ENTREP2: variants seen among roughly 807,000 people sequenced by gnomAD.
ENTREP2 encodes the protein endosomal transmembrane epsin interactor 2, also known as protein ENTREP2.
At chr15:29,211,275 T>C in the ENTREP2 span, among the ~76,000 whole-genome samples, 1 of 152,158 alleles carries the variant, frequency 6.6e-6, no homozygotes, top group Non-Finnish European at 1.5e-5. Context: ...AGTCATGGTG[T>C]TCTGTGACCG....
chr15:29,608,348 G>C, the ENTREP2 span, among the ~76,000 whole-genome samples: 1 of 151,946 alleles, frequency 6.6e-6, no homozygotes, highest in African/African-American at 2.4e-5. Flanking sequence ...TTTGCTGGCT[G>C]TTTCTTTCCC....
At chr15:29,177,679 C>T in the ENTREP2 span, among the ~76,000 whole-genome samples, 9 of 152,224 alleles carry the variant, frequency 5.9e-5, no homozygotes, top group South Asian at 1.9e-3. Context: ...CAAGCCACGG[C>T]AGAGCTGCCT....
At chr15:29,618,612 T>A in the ENTREP2 span, among the ~76,000 whole-genome samples, 1 of 152,126 alleles carries the variant, frequency 6.6e-6, no homozygotes, top group Non-Finnish European at 1.5e-5. Context: ...TTACAAAAAT[T>A]ACAGACATGT....
the ENTREP2 span, among the ~76,000 whole-genome samples, chr15:29,351,194 C>T: frequency 1.3e-5 from 2 of 152,152 alleles, no homozygotes; most frequent in Non-Finnish European, 2.9e-5. Flanking sequence ...GGCTACAAAC[C>T]TGCACAGCAT....
the ENTREP2 span, among the ~76,000 whole-genome samples, chr15:29,347,660 A>G: frequency 6.6e-6 from 1 of 152,212 alleles, no homozygotes; most frequent in East Asian, 1.9e-4. Context: ...TGGAGAAAGG[A>G]AAGTGCTAGG....
At chr15:29,157,477 T>C in the ENTREP2 span, among the ~76,000 whole-genome samples, 1 of 152,222 alleles carries the variant, frequency 6.6e-6, no homozygotes, top group Non-Finnish European at 1.5e-5. Flanking sequence ...AATTTTGTGC[T>C]GGATTCTAGA....
chr15:29,271,017 T>A, the ENTREP2 span, among the ~76,000 whole-genome samples: 3 of 152,232 alleles, frequency 2.0e-5, no homozygotes, highest in African/African-American at 7.2e-5. Context: ...TAATTGTTAG[T>A]AGCATAACAC....
At chr15:29,634,557 G>C in the ENTREP2 span, among the ~76,000 whole-genome samples, 1 of 152,190 alleles carries the variant, frequency 6.6e-6, no homozygotes, top group African/African-American at 2.4e-5. Context: ...ACAAGCAATC[G>C]GTTCTGCAGT....
the ENTREP2 span, among the ~76,000 whole-genome samples, chr15:29,213,077 G>A: frequency 0.067 from 10,127 of 152,166 alleles, 1,168 homozygotes; most frequent in African/African-American, 0.23. Context: ...TTTTTGTCAG[G>A]TTTGTCAAAG....
chr15:29,378,837 A>G, the ENTREP2 span, among the ~76,000 whole-genome samples: 6 of 152,164 alleles, frequency 3.9e-5, no homozygotes, highest in Admixed American at 2.0e-4. Context: ...ATATCTGTAT[A>G]TCTCCCATTG....
At chr15:29,524,497 T>C in the ENTREP2 span, among the ~76,000 whole-genome samples, 2 of 152,240 alleles carry the variant, frequency 1.3e-5, no homozygotes, top group Admixed American at 1.3e-4. Context: ...CCTTTTGTTC[T>C]CTGACCTGGG....
At chr15:29,236,408 G>A in the ENTREP2 span, among the ~76,000 whole-genome samples, 1 of 152,100 alleles carries the variant, frequency 6.6e-6, no homozygotes, top group Non-Finnish European at 1.5e-5. Context: ...CACTTTTGGA[G>A]GCTGAGATGG....
At chr15:29,177,915 C>T in the ENTREP2 span, among the ~76,000 whole-genome samples, 654 of 151,948 alleles carry the variant, frequency 4.3e-3, 4 homozygotes, top group African/African-American at 0.015. Flanking sequence ...GGGAGGGATA[C>T]AGGGAGAAGG....
At chr15:29,602,446 T>C in the ENTREP2 span, among the ~76,000 whole-genome samples, 3 of 152,284 alleles carry the variant, frequency 2.0e-5, no homozygotes, top group African/African-American at 4.8e-5. Flanking sequence ...TCTCTACCTA[T>C]GGTAAGGATA....
At chr15:29,618,166 G>A in the ENTREP2 span, among the ~76,000 whole-genome samples, 5 of 152,158 alleles carry the variant, frequency 3.3e-5, no homozygotes, top group African/African-American at 1.2e-4. Flanking sequence ...GCTCACGCCT[G>A]TAATTCCAGC....
At chr15:29,434,892 T>C in the ENTREP2 span, among the ~76,000 whole-genome samples, 8,563 of 152,198 alleles carry the variant, frequency 0.056, 273 homozygotes, top group African/African-American at 0.089. Context: ...TGGCAGACCA[T>C]GGCCCGAGTG....
chr15:29,120,530 C>G, the ENTREP2 span: 1 of 152,250 alleles, frequency 6.6e-6, no homozygotes, highest in Non-Finnish European at 1.5e-5. Context: ...GATGCTCCCC[C>G]TTCTGCGATC....
chr15:29,438,122 T>C, the ENTREP2 span, among the ~76,000 whole-genome samples: 1,454 of 152,268 alleles, frequency 9.5e-3, 19 homozygotes, highest in African/African-American at 0.034. Context: ...TGTGTAGACC[T>C]ACACATCACA....
chr15:29,610,852 AG>A, the ENTREP2 span: 1 of 136,200 alleles, frequency 7.3e-6, no homozygotes, highest in African/African-American at 2.6e-5. Flanking sequence ...ATCCCTCTGC[AG>A]TGATTCAGTC....
Sources: allele counts gnomAD v4.1 joint callset (sites outside exome capture counted in the v4.1 genomes callset), GRCh38; gene constraint gnomAD v4.1.1; transcripts MANE v1.5; gene names NCBI Gene and HGNC (gene_info 2026-07-23, HGNC 2026-07-21).